CYP24A1: variants seen among roughly 807,000 people sequenced by gnomAD.
The protein encoded by CYP24A1 is cytochrome P450 family 24 subfamily A member 1, also known as 1,25-dihydroxyvitamin D(3) 24-hydroxylase, mitochondrial.
A neutral mutation model predicts 62.4 loss-of-function variants in CYP24A1; 68 were observed. That is an observed-to-expected ratio of 1.09 (90% CI 0.90 to 1.33). CYP24A1 has a LOEUF of 1.33. CYP24A1 is among the 40% of genes most tolerant of loss of function. The probability of loss-of-function intolerance (pLI) is 0.00; values close to 1 mark genes in which losing one functional copy is unlikely to be tolerated. For synonymous variants in CYP24A1, 267 were observed against 253.0 expected, an observed-to-expected ratio of 1.06 and a Z score of -0.52; for missense variants, 787 against 653.0, an observed-to-expected ratio of 1.21 and a Z score of -2.24.
Position 54,154,097 on chromosome 20 carries a change from G to A in CYP24A1, c.*675C>T, listed in dbSNP as rs961458306. 1 of 151,956 alleles carries A rather than the reference G, an allele frequency of 6.6e-6. No homozygotes were observed. Among genetic ancestry groups the A allele is most frequent in the Non-Finnish European group, 1.5e-5 (1 of 67,990 alleles). The allele number at this position is 151,956 out of a possible 1,614,324, so 9.4% of individuals were successfully genotyped here. The stretch of plus-strand genomic sequence containing the variant: ...GACACACACACACATGCATGTCTGT[G>A]CTTCATATGCACATACACAATTTAA... On this transcript the variant is annotated 3_prime_UTR_variant, in exon 12 of 12. Transcript: ENST00000216862.
intron 11 of CYP24A1, among the ~76,000 whole-genome samples, chr20:54,156,396 T>G (rs954765387): frequency 1.4e-4 from 22 of 152,158 alleles, no homozygotes; most frequent in Non-Finnish European, 2.9e-5. Context: ...AACCAACCAT[T>G]GTTACTGGCT....
chr20:54,170,251 C>T (rs1203545366), intron 3 of CYP24A1, among the ~76,000 whole-genome samples: 1 of 152,182 alleles, frequency 6.6e-6, no homozygotes, highest in Non-Finnish European at 1.5e-5. Flanking sequence ...TTTCATAAAC[C>T]AGAGTTTTCA....
chr20:54,171,965 G>A (rs2092695560), intron 2 of CYP24A1: 1 of 503,722 alleles, frequency 2.0e-6, no homozygotes, highest in East Asian at 5.3e-5. Context: ...TGCAGGGAGT[G>A]GGGCTGGGAG....
chr20:54,144,509 C>G, the CYP24A1 span, among the ~76,000 whole-genome samples: 1 of 151,822 alleles, frequency 6.6e-6, no homozygotes, highest in Non-Finnish European at 1.5e-5. Context: ...CCAGCCTCAG[C>G]CTCCCAAAGT....
Position 54,173,170 on chromosome 20 carries a change from C to A in CYP24A1, c.259-71G>T, listed in dbSNP as rs1193592441. 2 of 1,561,992 alleles carry A rather than the reference C, an allele frequency of 1.3e-6. No individual in the cohort carries two copies. The highest frequency in any genetic ancestry group is 1.7e-6 in the Non-Finnish European group (2 of 1,144,440). On this transcript the variant is annotated intron_variant, in intron 1 of 11. Coordinates refer to ENST00000216862, the MANE Select transcript of CYP24A1 (RefSeq NM_000782.5). The surrounding 1 kb of genome is among the most constrained non-coding windows in gnomAD (Gnocchi z 7.2). ...CGTGCCCGAAGCGCTTTCCCTCCTC[C>A]CGCCTCCTTCCTCCTAGGGGACCGG...
chr20:54,164,617 A>G, intron 5 of CYP24A1, 54 bp from the exon 6 acceptor site: 2 of 1,613,358 alleles, frequency 1.2e-6, no homozygotes, highest in South Asian at 1.1e-5. Context: ...CTCAAAGACA[A>G]TGTTCGTTCT....
the CYP24A1 span, among the ~76,000 whole-genome samples, chr20:54,146,401 A>G: frequency 6.6e-6 from 1 of 152,274 alleles, no homozygotes; most frequent in South Asian, 2.1e-4. Flanking sequence ...CCACCAATCA[A>G]TTGGTGTTGG....
At chr20:54,158,305 G>T in intron 8 of CYP24A1, 141 bp from the exon 9 acceptor site, 2 of 1,497,034 alleles carry the variant, frequency 1.3e-6, no homozygotes. Flanking sequence ...TCTTCCTAAA[G>T]AAGTTGTTTT....
At chr20:54,162,220 C>CTT (rs530338632) in intron 7 of CYP24A1, among the ~76,000 whole-genome samples, 865 of 72,066 alleles carry the variant, frequency 0.012, 54 homozygotes, top group East Asian at 0.019. Context: ...GAGAGTATGC[C>CTT]TTTTTTTTTT....
chr20:54,172,189 G>A (rs1293526539), intron 2 of CYP24A1, among the ~76,000 whole-genome samples: 2 of 152,118 alleles, frequency 1.3e-5, no homozygotes, highest in Admixed American at 1.3e-4. Flanking sequence ...TTTTGCGATC[G>A]TGCACTTGTA....
chr20:54,161,027 A>G (rs2092648475), intron 7 of CYP24A1, among the ~76,000 whole-genome samples: 1 of 152,230 alleles, frequency 6.6e-6, no homozygotes, highest in Admixed American at 6.5e-5. Flanking sequence ...AACATAAATG[A>G]TCAGGTGATT....
Position 54,173,081 on chromosome 20 carries a change from ACTT to A in CYP24A1, c.274_276del (p.Lys92del), listed in dbSNP as rs1385775281. ...AACTTCATGCGGAAAATCTTGCCATACTTCTTGTGGTACTCCACCTGCAGCCGG... is the reference window on the plus strand; with the variant it reads ...AACTTCATGCGGAAAATCTTGCCATACTTGTGGTACTCCACCTGCAGCCGG... On this transcript the variant is annotated inframe_deletion, in exon 2 of 12. Transcript: ENST00000216862. The surrounding 1 kb of genome is among the most constrained non-coding windows in gnomAD (Gnocchi z 7.2). 1.9e-6 allele frequency: 3 copies of A among 1,603,850 alleles called. No individual in the cohort carries two copies. Among genetic ancestry groups the A allele is most frequent in the Admixed American group, 3.3e-5 (2 of 60,002 alleles).
chr20:54,153,837 C>G lies in CYP24A1; in HGVS notation c.*935G>C, dbSNP rs1036846991. 2 of 152,512 alleles carry G rather than the reference C, an allele frequency of 1.3e-5. No individual in the cohort carries two copies. The highest frequency in any genetic ancestry group is 4.8e-5 in the African/African-American group (2 of 41,426). 9.4% of individuals were successfully genotyped at this position (152,512 alleles called of 1,614,324 possible). On this transcript the variant is annotated 3_prime_UTR_variant, in exon 12 of 12. Coordinates refer to ENST00000216862, the MANE Select transcript of CYP24A1 (RefSeq NM_000782.5). ...AAATCACAAAACAAATGTTATATAA[C>G]AGATCTCTAACTTTTGCATGCTTTA...
intron 4 of CYP24A1, 106 bp from the exon 5 acceptor site, chr20:54,165,939 G>T: frequency 1.3e-6 from 1 of 797,752 alleles, no homozygotes. Flanking sequence ...TAAAAGTGTG[G>T]GATTTTCTGA....
intron 4 of CYP24A1, 87 bp from the exon 5 acceptor site, chr20:54,165,920 T>A (rs955377883): frequency 1.2e-6 from 1 of 846,044 alleles, no homozygotes; most frequent in Admixed American, 1.7e-5. Flanking sequence ...GACTCAATTC[T>A]ATGCCTCTTA....
chr20:54,168,225 C>G (rs1157661682), intron 4 of CYP24A1, among the ~76,000 whole-genome samples: 1 of 152,238 alleles, frequency 6.6e-6, no homozygotes, highest in Non-Finnish European at 1.5e-5. Context: ...CAGGCGCTGT[C>G]CCACCTGATC....
In CYP24A1 at chr20:54,157,482, A is replaced by T. The variant is rs1056446347; in HGVS notation, c.1340T>A (p.Ile447Asn). 1 of 1,601,738 alleles carries T rather than the reference A, an allele frequency of 6.2e-7. No individual in the cohort carries two copies. The highest frequency in any genetic ancestry group is 8.6e-7 in the Non-Finnish European group (1 of 1,168,684). ...AAATGGAAGATGCGCAAAAGGATTA[A>T]TTTTTTCCTTCTCCTGAAGCCAACG... The part of the protein sequence containing the change: ...PERWLQEKEK[I>N]NPFAHLPFGV... Residue 447 changes from isoleucine (I) to asparagine (N), a missense_variant, in exon 10 of 12, where the codon ATT becomes AAT. Ile to Asn is a moderately radical substitution (Grantham distance 149). Transcript: ENST00000216862.
intron 11 of CYP24A1, 138 bp downstream of exon 11, chr20:54,157,031 T>C: frequency 1.6e-6 from 1 of 639,718 alleles, no homozygotes; most frequent in East Asian, 2.7e-5. Context: ...GTAGAGAGTT[T>C]AGGGAACTGC....
rs1042248914 is a variant in CYP24A1 at position 54,153,902 on chromosome 20, G to A, written c.*870C>T. On this transcript the variant is annotated 3_prime_UTR_variant, in exon 12 of 12. Coordinates refer to ENST00000216862, the MANE Select transcript of CYP24A1 (RefSeq NM_000782.5). Reference sequence around the variant, plus strand: ...AATAGACAGAAAAATTATGGCATGGGAAATCATTTTATAATATTAAAGTCA... The same window carrying A: ...AATAGACAGAAAAATTATGGCATGGAAAATCATTTTATAATATTAAAGTCA... 6.6e-6 allele frequency: 1 copy of A among 152,584 alleles called. No homozygotes were observed. 9.5% of individuals were successfully genotyped at this position (152,584 alleles called of 1,614,324 possible). A position where few individuals can be genotyped will look rare whatever the true frequency, so the allele number is the denominator to read the frequency against.
Sources: allele counts gnomAD v4.1 joint callset (sites outside exome capture counted in the v4.1 genomes callset), GRCh38; gene constraint gnomAD v4.1.1; non-coding constraint Gnocchi (gnomAD v3.1); transcripts MANE v1.5; gene names NCBI Gene and HGNC (gene_info 2026-07-23, HGNC 2026-07-21).